The following MTUS2 variants were observed in gnomAD, a reference collection of about 807,000 sequenced individuals.
MTUS2 encodes the protein microtubule-associated tumor suppressor candidate 2.
In MTUS2, 40 loss-of-function variants were observed where a neutral mutation model predicts 114.1. The observed-to-expected ratio is 0.35, with a 90% CI of 0.27 to 0.46. The LOEUF (loss-of-function observed/expected upper bound fraction) is 0.46, where lower values mean the gene tolerates loss of function less well. Among genes scored for constraint, MTUS2 ranks in the 20% least tolerant of loss-of-function variants. The probability of loss-of-function intolerance (pLI) is 1.00; values close to 1 mark genes in which losing one functional copy is unlikely to be tolerated. For synonymous variants in MTUS2, 688 were observed against 672.0 expected (o/e 1.02, Z -0.37); for missense variants, 1,679 against 1,705.4 (o/e 0.98, Z 0.27).
rs1240011924 is a variant in MTUS2 at position 28,904,384 on chromosome 13, T to C, written c.-243+64534T>C. 4.6e-5 allele frequency among the ~76,000 whole-genome samples: 7 copies of C among 152,204 alleles called. No individual in the cohort carries two copies. In the East Asian group the frequency reaches 1.2e-3, roughly 25 times the overall value. ...TTTTCTTCTGGGGTTTTTATGGTTT[T>C]AGGTCTAACATGTAAGTCTTTAATC... On this transcript the variant is annotated intron_variant, in intron 2 of 15. Coordinates refer to ENST00000612955, the MANE Select transcript of MTUS2 (RefSeq NM_001033602.4).
intron 2 of MTUS2, among the ~76,000 whole-genome samples, chr13:28,867,382 G>T (rs947619322): frequency 6.6e-5 from 10 of 152,120 alleles, no homozygotes; most frequent in African/African-American, 2.2e-4. Context: ...TGGAGAAGAA[G>T]GCATTGTATT....
At chr13:29,015,820 T>C (rs1886041729) in intron 2 of MTUS2, among the ~76,000 whole-genome samples, 1 of 152,196 alleles carries the variant, frequency 6.6e-6, no homozygotes, top group Non-Finnish European at 1.5e-5. Context: ...ATTGGGGTTA[T>C]AGAACTCATT....
chr13:29,002,225 A>G (rs1885416552), intron 2 of MTUS2, among the ~76,000 whole-genome samples: 1 of 152,106 alleles, frequency 6.6e-6, no homozygotes, highest in Non-Finnish European at 1.5e-5. Context: ...ACCTTCCTTC[A>G]CTTCAGCTGT....
At chr13:29,343,125 T>C (rs2138130534) in intron 7 of MTUS2, among the ~76,000 whole-genome samples, 1 of 152,226 alleles carries the variant, frequency 6.6e-6, no homozygotes, top group South Asian at 2.1e-4. Flanking sequence ...ATTTTCTTTT[T>C]TTGTGATGTT....
At chr13:28,849,055 G>A (rs188791038) in intron 2 of MTUS2, among the ~76,000 whole-genome samples, 4 of 152,116 alleles carry the variant, frequency 2.6e-5, no homozygotes, top group East Asian at 1.9e-4. Flanking sequence ...GAATAGTTTC[G>A]ATGATCACTT....
chr13:29,428,101 C>T (rs1299661448), intron 8 of MTUS2, among the ~76,000 whole-genome samples: 1 of 152,080 alleles, frequency 6.6e-6, no homozygotes, highest in African/African-American at 2.4e-5. Flanking sequence ...TCAGCCTAGG[C>T]AAGCGACTTC....
intron 5 of MTUS2, among the ~76,000 whole-genome samples, chr13:29,250,102 GTC>G (rs1897070265): frequency 6.6e-6 from 1 of 152,020 alleles, no homozygotes; most frequent in Admixed American, 6.5e-5. Context: ...TTTAAATAAA[GTC>G]TAAATTCTTT....
chr13:29,399,983 C>A lies in MTUS2; in HGVS notation c.3118-40000C>A, dbSNP rs1223188088. Among the ~76,000 whole-genome samples, 7 of 152,272 alleles carry A rather than the reference C, an allele frequency of 4.6e-5. No homozygotes were observed. The East Asian group carries it at 1.3e-3, about 29-fold the overall frequency. On this transcript the variant is annotated intron_variant, in intron 8 of 15. Coordinates refer to ENST00000612955, the MANE Select transcript of MTUS2 (RefSeq NM_001033602.4). ...ACAAAAAGAAGGCTTGTATATTAATCATAGAAAAGGAGTATCTACAAAAGG... is the reference window on the plus strand; with the variant it reads ...ACAAAAAGAAGGCTTGTATATTAATAATAGAAAAGGAGTATCTACAAAAGG...
At chr13:29,278,318 G>T (rs1056264198) in intron 5 of MTUS2, among the ~76,000 whole-genome samples, 1 of 152,110 alleles carries the variant, frequency 6.6e-6, no homozygotes, top group African/African-American at 2.4e-5. Context: ...CTCAATAAAG[G>T]CACCATAAGT....
At chr13:28,922,092 G>C (rs1430656972) in intron 2 of MTUS2, among the ~76,000 whole-genome samples, 4 of 152,180 alleles carry the variant, frequency 2.6e-5, no homozygotes, top group African/African-American at 9.7e-5. Flanking sequence ...TCATGATAGT[G>C]AGTGAGTTCT....
intron 8 of MTUS2, among the ~76,000 whole-genome samples, chr13:29,432,010 A>ATTTTTTTTTT (rs57182093): frequency 2.5e-5 from 2 of 81,038 alleles, no homozygotes; most frequent in Non-Finnish European, 4.9e-5. Context: ...ACGCTCAGCT[A>ATTTTTTTTTT]TTTTTTTTTT....
chr13:29,291,670 C>T (rs988351294), intron 6 of MTUS2, among the ~76,000 whole-genome samples: 19 of 152,244 alleles, frequency 1.2e-4, no homozygotes, highest in African/African-American at 4.1e-4. Flanking sequence ...AGGGCTCGCT[C>T]GTTTAGAATA....
At chr13:29,461,011 G>A (rs73446117) in intron 9 of MTUS2, among the ~76,000 whole-genome samples, 3,659 of 152,164 alleles carry the variant, frequency 0.024, 110 homozygotes, top group African/African-American at 0.071. Flanking sequence ...TCCATTTTGT[G>A]CTGTTATAAT....
intron 5 of MTUS2, among the ~76,000 whole-genome samples, chr13:29,181,540 G>A (rs1470832550): frequency 6.6e-6 from 1 of 152,206 alleles, no homozygotes; most frequent in Non-Finnish European, 1.5e-5. Context: ...CAGAGAAATG[G>A]TTCTGGGGCA....
chr13:29,404,315 G>A (rs1034654426), intron 8 of MTUS2, among the ~76,000 whole-genome samples: 60 of 152,088 alleles, frequency 3.9e-4, no homozygotes, highest in African/African-American at 1.4e-3. Flanking sequence ...TTGCGCCACC[G>A]CACTCCAGTG....
At position 28,991,865 on chromosome 13, in the gene MTUS2, A is replaced by T. The variant is rs78484762; in HGVS notation, c.-242-32592A>T. 5.9e-4 allele frequency among the ~76,000 whole-genome samples: 89 copies of T among 152,096 alleles called. No homozygotes were observed. The East Asian group carries it at 0.017, about 29-fold the overall frequency. On this transcript the variant is annotated intron_variant, in intron 2 of 15. Coordinates refer to ENST00000612955, the MANE Select transcript of MTUS2 (RefSeq NM_001033602.4). ...CCTGTGTCTCAGGTCCACAGCAGTT[A>T]CCTCTGAGATGTCAAGGGTTTCTTA... is the stretch of plus-strand genomic sequence containing the variant.
intron 2 of MTUS2, among the ~76,000 whole-genome samples, chr13:28,919,152 AT>A (rs1369035738): frequency 1.3e-5 from 2 of 152,086 alleles, no homozygotes; most frequent in Non-Finnish European, 2.9e-5. Flanking sequence ...TCTGTGTGCT[AT>A]TACCAGTGAA....
chr13:29,371,988 A>C (rs9508423), intron 8 of MTUS2, among the ~76,000 whole-genome samples: 12,974 of 21,656 alleles, frequency 0.6, 2,680 homozygotes, highest in East Asian at 0.67. Context: ...CCCCCCCCCC[A>C]CACACACACA....
At chr13:28,949,555 A>G (rs1882707192) in intron 2 of MTUS2, among the ~76,000 whole-genome samples, 1 of 152,210 alleles carries the variant, frequency 6.6e-6, no homozygotes. Context: ...TGTGTAACCA[A>G]TATCTAGAAC....
Sources: allele counts gnomAD v4.1 joint callset (sites outside exome capture counted in the v4.1 genomes callset), GRCh38; gene constraint gnomAD v4.1.1; transcripts MANE v1.5; gene names NCBI Gene and HGNC (gene_info 2026-07-23, HGNC 2026-07-21).